The following HS3ST4 variants were observed in gnomAD, a reference collection of about 807,000 sequenced individuals.
The protein encoded by HS3ST4 is heparan sulfate-glucosamine 3-sulfotransferase 4, also known as heparan sulfate glucosamine 3-O-sulfotransferase 4.
HS3ST4 carries 17 observed loss-of-function variants against 29.2 expected under a neutral mutation model. The ratio of observed to expected loss-of-function variants is 0.58; its 90% CI spans 0.40 to 0.87. The LOEUF (loss-of-function observed/expected upper bound fraction) is 0.87. Among genes scored for constraint, HS3ST4 ranks in the 40% least tolerant of loss-of-function variants. HS3ST4 has a pLI of 0.00. For synonymous variants in HS3ST4, 314 were observed against 285.7 expected (o/e 1.10, Z -1.00); for missense variants, 627 against 634.5 (o/e 0.99, Z 0.13).
chr16:25,725,111 A>G (rs1966524190), intron 1 of HS3ST4, among the ~76,000 whole-genome samples: 1 of 147,760 alleles, frequency 6.8e-6, no homozygotes, highest in Non-Finnish European at 1.5e-5. Context: ...GATACTTTTA[A>G]TTCTACTACT....
In HS3ST4 at chr16:25,890,206, C is replaced by T. The variant is rs183207515; in HGVS notation, c.734+197055C>T. ...TTCATGGAGGTTACACAATTTGCCC[C>T]AAGTCACACAAATAATATGGTAAGT... On this transcript the variant is annotated intron_variant, in intron 1 of 1. Transcript: ENST00000331351. 2.0e-5 allele frequency among the ~76,000 whole-genome samples: 3 copies of T among 152,256 alleles called. No individual in the cohort carries two copies. In the East Asian group the frequency reaches 5.8e-4, roughly 29 times the overall value.
chr16:26,090,699 A>G (rs1380730324), intron 1 of HS3ST4, among the ~76,000 whole-genome samples: 2 of 152,186 alleles, frequency 1.3e-5, no homozygotes, highest in Non-Finnish European at 2.9e-5. Flanking sequence ...ATAGATAGTC[A>G]TAAGAGATTT....
chr16:26,077,544 C>T (rs1898676953), intron 1 of HS3ST4, among the ~76,000 whole-genome samples: 1 of 152,196 alleles, frequency 6.6e-6, no homozygotes, highest in Admixed American at 6.5e-5. Flanking sequence ...TGCCACCTGA[C>T]ATGTTACACG....
intron 1 of HS3ST4, among the ~76,000 whole-genome samples, chr16:26,033,354 A>G (rs1438194446): frequency 6.6e-6 from 1 of 151,990 alleles, no homozygotes; most frequent in Non-Finnish European, 1.5e-5. Context: ...TGTCTCTACT[A>G]AAATACAAAA....
chr16:25,967,234 A>G (rs1312518375), intron 1 of HS3ST4, among the ~76,000 whole-genome samples: 1 of 152,152 alleles, frequency 6.6e-6, no homozygotes, highest in African/African-American at 2.4e-5. Context: ...GCTCACTGCA[A>G]CGTCCACCTC....
At chr16:25,924,091 T>C (rs934216670) in intron 1 of HS3ST4, among the ~76,000 whole-genome samples, 1 of 152,224 alleles carries the variant, frequency 6.6e-6, no homozygotes, top group Admixed American at 6.5e-5. Context: ...ACTAGACTCA[T>C]AACCTTTCCC....
chr16:25,915,157 C>T (rs1468355994), intron 1 of HS3ST4, among the ~76,000 whole-genome samples: 1 of 152,084 alleles, frequency 6.6e-6, no homozygotes, highest in Admixed American at 6.5e-5. Context: ...AGTGGAGGAC[C>T]AGTGCTCTAC....
chr16:25,974,761 T>C (rs73521543), intron 1 of HS3ST4, among the ~76,000 whole-genome samples: 16,493 of 152,282 alleles, frequency 0.11, 974 homozygotes, highest in Non-Finnish European at 0.12. Flanking sequence ...ATCATTTTTA[T>C]AAGAACGCAT....
At chr16:25,786,035 G>T (rs1966857223) in intron 1 of HS3ST4, among the ~76,000 whole-genome samples, 1 of 152,174 alleles carries the variant, frequency 6.6e-6, no homozygotes, top group Non-Finnish European at 1.5e-5. Context: ...GAGAGAGATT[G>T]AATTTGGGTG....
At chr16:25,806,653 G>A (rs1240221942) in intron 1 of HS3ST4, among the ~76,000 whole-genome samples, 3 of 152,172 alleles carry the variant, frequency 2.0e-5, no homozygotes, top group Non-Finnish European at 1.5e-5. Context: ...TTCACATACA[G>A]TGGTAAGAAA....
intron 1 of HS3ST4, among the ~76,000 whole-genome samples, chr16:26,120,194 AG>A (rs1899256943): frequency 6.6e-6 from 1 of 152,108 alleles, no homozygotes; most frequent in Admixed American, 6.6e-5. Flanking sequence ...ATACCTCACA[AG>A]GTGTATGCAT....
At chr16:25,863,187 A>G (rs1239743851) in intron 1 of HS3ST4, among the ~76,000 whole-genome samples, 1 of 152,062 alleles carries the variant, frequency 6.6e-6, no homozygotes, top group Non-Finnish European at 1.5e-5. Flanking sequence ...GGGTTCAAGC[A>G]ATTTTCCTGC....
chr16:25,755,894 C>CT (rs1167563366), intron 1 of HS3ST4, among the ~76,000 whole-genome samples: 1 of 151,978 alleles, frequency 6.6e-6, no homozygotes, highest in African/African-American at 2.4e-5. Context: ...GCACTATTGT[C>CT]TTATAGTAAA....
At chr16:25,896,309 C>A (rs1968064214) in intron 1 of HS3ST4, among the ~76,000 whole-genome samples, 1 of 152,128 alleles carries the variant, frequency 6.6e-6, no homozygotes, top group Non-Finnish European at 1.5e-5. Context: ...AACCTTTAGG[C>A]TTCCTCAAAT....
intron 1 of HS3ST4, among the ~76,000 whole-genome samples, chr16:26,023,945 A>G (rs905417193): frequency 3.3e-5 from 5 of 151,884 alleles, no homozygotes; most frequent in Non-Finnish European, 5.9e-5. Flanking sequence ...GACAATGTCA[A>G]TGGGTGCGGT....
rs143884835 is a variant in HS3ST4, at chr16:26,046,898, G to A, written c.735-88714G>A. On this transcript the variant is annotated intron_variant, in intron 1 of 1. Transcript: ENST00000331351. Reference sequence around the variant, plus strand: ...GAGTCACTTTAATTCATCCAACATCGCACAACTAGTAAGTGTCTAAGTCAA... The same window carrying A: ...GAGTCACTTTAATTCATCCAACATCACACAACTAGTAAGTGTCTAAGTCAA... Among the ~76,000 whole-genome samples, 518 of 152,058 alleles carry A rather than the reference G, an allele frequency of 3.4e-3. 1 individual carries two copies. Among genetic ancestry groups the A allele is most frequent in the South Asian group, 0.015 (71 of 4,820 alleles).
At chr16:25,728,976 G>T (rs576723318) in intron 1 of HS3ST4, among the ~76,000 whole-genome samples, 1 of 152,232 alleles carries the variant, frequency 6.6e-6, no homozygotes, top group Non-Finnish European at 1.5e-5. Context: ...CCAGCTACTT[G>T]GGAGGCTGAG....
chr16:26,136,437 A>G lies in HS3ST4; in HGVS notation c.*189A>G. On this transcript the variant is annotated 3_prime_UTR_variant, in exon 2 of 2. Coordinates refer to ENST00000331351, the MANE Select transcript of HS3ST4 (RefSeq NM_006040.3). ...GGTGGATCCCATGGCATCCCCATGG[A>G]GGAACCAGGCCCATCTGGGCAGCAG... The G allele has an allele frequency of 1.6e-6, 1 of 614,748 alleles. No individual in the cohort carries two copies. Among genetic ancestry groups the G allele is most frequent in the Non-Finnish European group, 2.8e-6 (1 of 353,132 alleles). The allele number at this position is 614,748 out of a possible 1,614,324, so 38.1% of individuals were successfully genotyped here.
Position 25,692,481 on chromosome 16 carries a change from C to T in HS3ST4, c.64C>T (p.Pro22Ser). 1 of 1,374,852 alleles carries T rather than the reference C, an allele frequency of 7.3e-7. No individual in the cohort carries two copies. The allele number at this position is 1,374,852 out of a possible 1,614,324, so 85.2% of individuals were successfully genotyped here. A position where few individuals can be genotyped will look rare whatever the true frequency, so the allele number is the denominator to read the frequency against. ...PPPPPLAAPP[P>S]PGASAKGPPA... is the part of the protein sequence containing the mutation. ...GCCTCCACCTCTGGCCGCGCCGCCG[C>T]CGCCCGGCGCCTCTGCTAAGGGGCC... The change falls in exon 1 of 2, where the codon CCG (proline) becomes TCG (serine). Residue 22 changes from proline to serine, a missense_variant. By Grantham distance (74) the Pro-to-Ser change is moderately conservative (BLOSUM62 -1). Transcript: ENST00000331351.
Sources: allele counts gnomAD v4.1 joint callset (sites outside exome capture counted in the v4.1 genomes callset), GRCh38; gene constraint gnomAD v4.1.1; transcripts MANE v1.5; gene names NCBI Gene and HGNC (gene_info 2026-07-23, HGNC 2026-07-21).